Variants in PRLR observed in about 807,000 individuals in gnomAD.
PRLR encodes the protein hPRL receptor.
Under a neutral mutation model 40.2 loss-of-function variants are expected in PRLR, and 13 were observed. The observed-to-expected ratio is 0.32, with a 90% CI of 0.21 to 0.51. PRLR has a LOEUF of 0.51. PRLR is among the 20% of genes least tolerant of loss of function. The pLI is 0.97. For missense variants in PRLR, 656 were observed against 747.3 expected, an observed-to-expected ratio of 0.88 and a Z score of 1.42; for synonymous variants, 269 against 278.7, an observed-to-expected ratio of 0.97 and a Z score of 0.35.
intron 1 of PRLR, among the ~76,000 whole-genome samples, chr5:35,123,843 T>C (rs886825841): frequency 1.2e-4 from 18 of 152,178 alleles, no homozygotes; most frequent in African/African-American, 4.3e-4. Context: ...AGGGAAATCA[T>C]AGTATTTATG....
At chr5:35,170,199 G>A (rs568360132) in intron 1 of PRLR, among the ~76,000 whole-genome samples, 11 of 152,306 alleles carry the variant, frequency 7.2e-5, no homozygotes, top group South Asian at 2.1e-4. Context: ...ATAAGCAGCC[G>A]TGTGTACACT....
intron 1 of PRLR, among the ~76,000 whole-genome samples, chr5:35,143,118 A>G (rs1774070613): frequency 6.6e-6 from 1 of 152,256 alleles, no homozygotes; most frequent in Non-Finnish European, 1.5e-5. Context: ...TGATTATGCA[A>G]ATAAGGAATT....
At position 35,089,680 on chromosome 5, in the gene PRLR, C is replaced by A. The variant is rs1771083253; in HGVS notation, c.-43-17G>T. On this transcript the variant is annotated splice_polypyrimidine_tract_variant and intron_variant, in intron 2 of 9. Coordinates refer to ENST00000618457, the MANE Select transcript of PRLR (RefSeq NM_000949.7). ...AGAAGTTCACTGGAAGAGAAGGTAGCAGGTAACTTTTGTGAAATGGCAGTC... is the reference window on the plus strand; with the variant it reads ...AGAAGTTCACTGGAAGAGAAGGTAGAAGGTAACTTTTGTGAAATGGCAGTC... 3.2e-6 allele frequency: 5 copies of A among 1,583,444 alleles called. No individual in the cohort carries two copies. The East Asian group carries it at 1.1e-4, about 35-fold the overall frequency.
intron 2 of PRLR, among the ~76,000 whole-genome samples, chr5:35,100,163 G>A (rs1380339992): frequency 2.1e-5 from 3 of 140,366 alleles, no homozygotes; most frequent in East Asian, 2.1e-4. Context: ...CAGCCTGGGC[G>A]ACAGGGCGAG....
In PRLR at chr5:35,064,318, CTAAGGTGTATAA is replaced by C. The variant is rs1314544073; in HGVS notation, c.*759_*770del. The C allele has an allele frequency of 6.6e-6, 1 of 152,012 alleles. No individual in the cohort carries two copies. Among genetic ancestry groups the C allele is most frequent in the Non-Finnish European group, 1.5e-5 (1 of 67,994 alleles). The allele number at this position is 152,012 out of a possible 1,614,324, so 9.4% of individuals were successfully genotyped here. A position where few individuals can be genotyped will look rare whatever the true frequency, so the allele number is the denominator to read the frequency against. On this transcript the variant is annotated 3_prime_UTR_variant, in exon 10 of 10. Coordinates refer to ENST00000618457, the MANE Select transcript of PRLR (RefSeq NM_000949.7). ...GAATTTTTTTTTAACTAAGGAAAGA[CTAAGGTGTATAA>C]TAAATTATCTATCATGCTGAAATGA...
chr5:35,222,160 G>A (rs1004869971), intron 1 of PRLR, among the ~76,000 whole-genome samples: 10 of 152,214 alleles, frequency 6.6e-5, no homozygotes, highest in Middle Eastern at 3.4e-3. Context: ...AAAATTAGCC[G>A]GGCTTGGTGG....
At chr5:35,082,347 T>C (rs1338590979) in intron 5 of PRLR, among the ~76,000 whole-genome samples, 5 of 152,218 alleles carry the variant, frequency 3.3e-5, no homozygotes, top group Non-Finnish European at 1.5e-5. Context: ...GATAAAAAAT[T>C]ATACAAAAAC....
chr5:35,190,960 A>C (rs1177732867), intron 1 of PRLR, among the ~76,000 whole-genome samples: 4 of 151,788 alleles, frequency 2.6e-5, no homozygotes, highest in Non-Finnish European at 5.9e-5. Context: ...TATTTACATA[A>C]TGGGGATTTT....
At chr5:35,078,447 A>T (rs374381349) in intron 5 of PRLR, among the ~76,000 whole-genome samples, 4 of 152,208 alleles carry the variant, frequency 2.6e-5, no homozygotes, top group African/African-American at 7.2e-5. Context: ...TAAACTAGAA[A>T]ATCTAGAAGA....
chr5:35,214,734 G>A (rs976156855), intron 1 of PRLR, among the ~76,000 whole-genome samples: 4 of 152,156 alleles, frequency 2.6e-5, no homozygotes, highest in Non-Finnish European at 5.9e-5. Context: ...TAACCTCACA[G>A]GCTAACTGCC....
intron 4 of PRLR, among the ~76,000 whole-genome samples, chr5:35,085,647 C>T (rs57966827): frequency 0.018 from 2,674 of 152,230 alleles, 83 homozygotes; most frequent in African/African-American, 0.061. Context: ...TAATATACCA[C>T]ATTTGTCAAG....
intron 1 of PRLR, among the ~76,000 whole-genome samples, chr5:35,222,173 C>T (rs1024183851): frequency 5.3e-5 from 8 of 152,128 alleles, no homozygotes; most frequent in East Asian, 1.9e-4. Flanking sequence ...CTTGGTGGCG[C>T]GTGCCTGTAG....
rs374251965 is a variant in PRLR at position 35,049,274 on chromosome 5, A to G, written c.*13T>C. 207 of 703,326 alleles carry G rather than the reference A, an allele frequency of 2.9e-4. 1 individual carries two copies. In the African/African-American group the frequency reaches 3.1e-3, roughly 10 times the overall value. The allele number at this position is 703,326 out of a possible 1,614,324, so 43.6% of individuals were successfully genotyped here. A position where few individuals can be genotyped will look rare whatever the true frequency, so the allele number is the denominator to read the frequency against. ...ATGTTGAGTTCCTGAATTCTGGTAT[A>G]TGCTCTTCAGCTCTACTGGACTGTG... On this transcript the variant is annotated 3_prime_UTR_variant, in exon 9 of 9. Transcript: ENST00000231423.
At chr5:35,075,000 C>A (rs1186047741) in intron 5 of PRLR, among the ~76,000 whole-genome samples, 1 of 151,960 alleles carries the variant, frequency 6.6e-6, no homozygotes, top group Non-Finnish European at 1.5e-5. Flanking sequence ...GTGACTGTAA[C>A]TATAGTGTAC....
At chr5:35,095,096 T>G (rs1242312973) in intron 2 of PRLR, among the ~76,000 whole-genome samples, 1 of 152,206 alleles carries the variant, frequency 6.6e-6, no homozygotes, top group African/African-American at 2.4e-5. Context: ...CCCAAAGGTC[T>G]GTGATTACAG....
intron 2 of PRLR, among the ~76,000 whole-genome samples, chr5:35,101,902 T>C (rs1771905443): frequency 1.3e-5 from 2 of 151,128 alleles, no homozygotes; most frequent in Non-Finnish European, 2.9e-5. Flanking sequence ...ATCTCGGCTT[T>C]CTGTAACCTT....
chr5:35,117,859 G>T (rs779083532), intron 2 of PRLR, among the ~76,000 whole-genome samples: 1 of 152,170 alleles, frequency 6.6e-6, no homozygotes, highest in Non-Finnish European at 1.5e-5. Flanking sequence ...AACAGAAAAG[G>T]ATGAACATCA....
chr5:35,094,596 G>A (rs1771419139), intron 2 of PRLR, among the ~76,000 whole-genome samples: 1 of 152,094 alleles, frequency 6.6e-6, no homozygotes, highest in African/African-American at 2.4e-5. Flanking sequence ...TAAATTTCAA[G>A]TGCTTTTTTT....
intron 1 of PRLR, among the ~76,000 whole-genome samples, chr5:35,190,203 T>C (rs1775563082): frequency 6.6e-6 from 1 of 152,172 alleles, no homozygotes. Flanking sequence ...TTATCCCATT[T>C]TACATGTGGA....
Sources: allele counts gnomAD v4.1 joint callset (sites outside exome capture counted in the v4.1 genomes callset), GRCh38; gene constraint gnomAD v4.1.1; transcripts MANE v1.5; gene names NCBI Gene and HGNC (gene_info 2026-07-23, HGNC 2026-07-21).